The following PCDH15 variants were observed in gnomAD, a reference collection of about 807,000 sequenced individuals.
PCDH15 encodes the protein protocadherin related 15.
PCDH15 carries 129 observed loss-of-function variants against 178.5 expected under a neutral mutation model. That is an observed-to-expected ratio of 0.72 (90% CI 0.63 to 0.84). The LOEUF (loss-of-function observed/expected upper bound fraction) is 0.84. Ranked by LOEUF, PCDH15 falls within the 40% of genes least tolerant of loss-of-function variation. PCDH15 has a pLI of 0.00. For missense variants in PCDH15, 2,230 were observed against 2,099.9 expected, an observed-to-expected ratio of 1.06 and a Z score of -1.21; for synonymous variants, 800 against 732.0, an observed-to-expected ratio of 1.09 and a Z score of -1.50.
intron 35 of PCDH15, among the ~76,000 whole-genome samples, chr10:53,812,642 T>C (rs1403067050): frequency 6.6e-6 from 1 of 152,226 alleles, no homozygotes; most frequent in Non-Finnish European, 1.5e-5. Flanking sequence ...GATGTTTTTC[T>C]TGAGATATAC....
At chr10:54,479,599 T>A (rs920402718) in intron 3 of PCDH15, among the ~76,000 whole-genome samples, 9 of 151,886 alleles carry the variant, frequency 5.9e-5, no homozygotes, top group African/African-American at 2.2e-4. Context: ...AAAATAAGAA[T>A]GTTAAAAAGA....
At chr10:55,355,185 T>G (rs1245501804) in intron 2 of PCDH15, among the ~76,000 whole-genome samples, 2 of 152,042 alleles carry the variant, frequency 1.3e-5, no homozygotes, top group Admixed American at 6.6e-5. Flanking sequence ...TTTCAGTTTT[T>G]GATGATTCTG....
At chr10:55,014,563 GA>G (rs1324499303) in intron 2 of PCDH15, among the ~76,000 whole-genome samples, 4 of 152,064 alleles carry the variant, frequency 2.6e-5, no homozygotes, top group Non-Finnish European at 4.4e-5. Context: ...ATGAAAAAAT[GA>G]AAAGATCAGA....
At chr10:54,312,992 T>C (rs17725837) in intron 8 of PCDH15, among the ~76,000 whole-genome samples, 7,956 of 152,206 alleles carry the variant, frequency 0.052, 242 homozygotes, top group Admixed American at 0.094. Flanking sequence ...TCTCATTTTT[T>C]CAAAGTATGT....
At chr10:55,175,345 T>C (rs940173685) in intron 1 of PCDH15, among the ~76,000 whole-genome samples, 3 of 151,824 alleles carry the variant, frequency 2.0e-5, no homozygotes, top group African/African-American at 7.3e-5. Flanking sequence ...GTACAACTAA[T>C]CCTAAAGGAT....
At chr10:55,139,990 G>C (rs775561953) in intron 2 of PCDH15, among the ~76,000 whole-genome samples, 1 of 151,768 alleles carries the variant, frequency 6.6e-6, no homozygotes, top group African/African-American at 2.4e-5. Context: ...TATATGTTTT[G>C]CTAGAATTAC....
intron 26 of PCDH15, among the ~76,000 whole-genome samples, chr10:53,893,468 G>T (rs1440562912): frequency 6.6e-6 from 1 of 152,140 alleles, no homozygotes; most frequent in Non-Finnish European, 1.5e-5. Flanking sequence ...ATTTTAAGAA[G>T]TCATTATATG....
chr10:54,187,089 CCAA>C (rs1265450740), intron 11 of PCDH15, among the ~76,000 whole-genome samples: 3 of 151,932 alleles, frequency 2.0e-5, no homozygotes, highest in African/African-American at 7.2e-5. Context: ...TCTAAATGCA[CCAA>C]CAATGGTGCC....
intron 2 of PCDH15, among the ~76,000 whole-genome samples, chr10:55,555,469 C>A (rs543558398): frequency 6.6e-6 from 1 of 152,098 alleles, no homozygotes; most frequent in African/African-American, 2.4e-5. Context: ...ATACGGATAT[C>A]TTTCCCAGCT....
chr10:54,916,425 T>A (rs1034514087), intron 2 of PCDH15, among the ~76,000 whole-genome samples: 2 of 152,218 alleles, frequency 1.3e-5, no homozygotes, highest in Admixed American at 6.5e-5. Context: ...ATGTATTATA[T>A]GGATATGGCA....
chr10:53,955,897 T>G (rs1325508788), intron 23 of PCDH15, among the ~76,000 whole-genome samples: 3 of 152,130 alleles, frequency 2.0e-5, no homozygotes, highest in Non-Finnish European at 4.4e-5. Flanking sequence ...TGTGCTTCAC[T>G]TTTTTTCATT....
intron 11 of PCDH15, among the ~76,000 whole-genome samples, chr10:54,189,020 A>G (rs995979005): frequency 6.6e-6 from 1 of 152,000 alleles, no homozygotes; most frequent in Admixed American, 6.6e-5. Context: ...AATGTTTTAG[A>G]AAAAATGCCA....
At chr10:54,823,645 T>C (rs1953082749) in intron 3 of PCDH15, among the ~76,000 whole-genome samples, 1 of 152,130 alleles carries the variant, frequency 6.6e-6, no homozygotes, top group South Asian at 2.1e-4. Flanking sequence ...CTATACTGTA[T>C]TGCTGTCTAA....
At chr10:54,356,104 C>A (rs1565062707) in intron 5 of PCDH15, among the ~76,000 whole-genome samples, 1 of 151,890 alleles carries the variant, frequency 6.6e-6, no homozygotes, top group Non-Finnish European at 1.5e-5. Flanking sequence ...CTGGTAAATA[C>A]AGAAGGGAAA....
intron 3 of PCDH15, among the ~76,000 whole-genome samples, chr10:54,477,724 T>C (rs1373021623): frequency 6.6e-6 from 1 of 152,126 alleles, no homozygotes; most frequent in Non-Finnish European, 1.5e-5. Flanking sequence ...GCCTCCCCAG[T>C]AGCTGGGATT....
intron 9 of PCDH15, among the ~76,000 whole-genome samples, chr10:54,230,894 C>T (rs534043114): frequency 1.2e-4 from 18 of 152,234 alleles, no homozygotes; most frequent in Admixed American, 2.0e-4. Context: ...CTTAATACTA[C>T]AAGCTACTGT....
chr10:53,997,880 G>A (rs1038017838), intron 20 of PCDH15, among the ~76,000 whole-genome samples: 3 of 152,116 alleles, frequency 2.0e-5, no homozygotes, highest in African/African-American at 4.8e-5. Context: ...TTTATGGCAC[G>A]TTGTACATAC....
At chr10:54,752,691 T>C (rs1946515345) in intron 1 of PCDH15, among the ~76,000 whole-genome samples, 1 of 133,638 alleles carries the variant, frequency 7.5e-6, no homozygotes, top group South Asian at 2.4e-4. Context: ...AGTGTATCTT[T>C]AGGATTTGAA....
intron 2 of PCDH15, among the ~76,000 whole-genome samples, chr10:55,573,603 T>G (rs1380511129): frequency 6.6e-6 from 1 of 152,100 alleles, no homozygotes; most frequent in Non-Finnish European, 1.5e-5. Flanking sequence ...AATGTAAAAG[T>G]CTATTTCAAA....
Sources: gnomAD v4.1 joint callset for allele counts (sites outside exome capture counted in the v4.1 genomes callset) on GRCh38, gnomAD v4.1.1 for gene constraint, MANE v1.5 for transcripts, NCBI Gene and HGNC (gene_info 2026-07-23, HGNC 2026-07-21) for gene names.